The following CPE variants were observed in gnomAD, a reference collection of about 807,000 sequenced individuals.
CPE encodes carboxypeptidase E, also known as carbocypeptidase E.
A neutral mutation model predicts 53.5 loss-of-function variants in CPE; 17 were observed. The observed-to-expected ratio is 0.32, with a 90% confidence interval of 0.22 to 0.48. CPE has a LOEUF of 0.48. Among genes scored for constraint, CPE ranks in the 20% least tolerant of loss-of-function variants. CPE has a pLI of 0.99. For synonymous variants in CPE, 226 were observed against 228.8 expected, an observed-to-expected ratio of 0.99 and a Z score of 0.11; for missense variants, 524 against 614.7, an observed-to-expected ratio of 0.85 and a Z score of 1.56.
intron 1 of CPE, among the ~76,000 whole-genome samples, chr4:165,425,462 C>G (rs918046524): frequency 5.9e-5 from 9 of 152,062 alleles, no homozygotes; most frequent in African/African-American, 2.2e-4. Context: ...TATGTGCTTA[C>G]AGTTAGACGA....
At chr4:165,477,672 C>T (rs1732327352) in intron 3 of CPE, among the ~76,000 whole-genome samples, 1 of 150,884 alleles carries the variant, frequency 6.6e-6, no homozygotes. Flanking sequence ...AACAGGGAAT[C>T]AAATCAGATT....
intron 1 of CPE, among the ~76,000 whole-genome samples, chr4:165,394,865 T>C (rs1730739109): frequency 1.3e-5 from 2 of 152,190 alleles, no homozygotes; most frequent in South Asian, 4.1e-4. Flanking sequence ...TAAAATGTTA[T>C]AAGAATCATT....
At chr4:165,405,689 G>A (rs1190504571) in intron 1 of CPE, 1 of 802,104 alleles carries the variant, frequency 1.2e-6, no homozygotes, top group East Asian at 2.6e-5. Flanking sequence ...TTTAGTCCTG[G>A]TCGCAGAGAT....
At chr4:165,423,722 C>T (rs916973123) in intron 1 of CPE, among the ~76,000 whole-genome samples, 1 of 151,446 alleles carries the variant, frequency 6.6e-6, no homozygotes, top group Non-Finnish European at 1.5e-5. Flanking sequence ...ATACATGTGC[C>T]ATGCTGGTGC....
intron 1 of CPE, among the ~76,000 whole-genome samples, chr4:165,427,176 A>G (rs1731334803): frequency 7.0e-6 from 1 of 142,436 alleles, no homozygotes; most frequent in Non-Finnish European, 1.6e-5. Context: ...GGCTGCAGGC[A>G]TGTCTTAGGC....
At chr4:165,386,058 G>A (rs1371174453) in intron 1 of CPE, among the ~76,000 whole-genome samples, 2 of 152,112 alleles carry the variant, frequency 1.3e-5, no homozygotes, top group Non-Finnish European at 2.9e-5. Flanking sequence ...AAATCCTGAG[G>A]CTTCTTATTT....
intron 2 of CPE, among the ~76,000 whole-genome samples, chr4:165,465,530 G>T (rs1732081502): frequency 6.6e-6 from 1 of 151,940 alleles, no homozygotes; most frequent in Non-Finnish European, 1.5e-5. Flanking sequence ...ACAGTCTAAG[G>T]TATCTAAACT....
chr4:165,437,451 A>G (rs1356058360), intron 1 of CPE, among the ~76,000 whole-genome samples: 4 of 152,152 alleles, frequency 2.6e-5, no homozygotes, highest in Non-Finnish European at 5.9e-5. Flanking sequence ...TCTTGTTGTC[A>G]AAGGGAATGG....
intron 3 of CPE, among the ~76,000 whole-genome samples, chr4:165,473,417 TG>T (rs1472118633): frequency 6.6e-6 from 1 of 152,242 alleles, no homozygotes; most frequent in Non-Finnish European, 1.5e-5. Flanking sequence ...TGCATGTTGC[TG>T]TGTGAGGATT....
chr4:165,477,501 T>C (rs1306894133), intron 3 of CPE, among the ~76,000 whole-genome samples: 1 of 152,202 alleles, frequency 6.6e-6, no homozygotes, highest in Non-Finnish European at 1.5e-5. Flanking sequence ...TCTGTAAGTG[T>C]GAGACAGTGT....
intron 1 of CPE, among the ~76,000 whole-genome samples, chr4:165,440,588 G>A (rs1579262508): frequency 6.6e-6 from 1 of 152,062 alleles, no homozygotes; most frequent in South Asian, 2.1e-4. Flanking sequence ...TAATAATTTA[G>A]GTACTTTAAG....
At chr4:165,457,091 C>A (rs776420398) in intron 1 of CPE, among the ~76,000 whole-genome samples, 2 of 152,158 alleles carry the variant, frequency 1.3e-5, no homozygotes, top group African/African-American at 2.4e-5. Flanking sequence ...ATTTCTTAGA[C>A]CTCAGTTTCC....
chr4:165,398,673 C>G (rs1730815427), intron 1 of CPE, among the ~76,000 whole-genome samples: 1 of 152,190 alleles, frequency 6.6e-6, no homozygotes, highest in South Asian at 2.1e-4. Context: ...GCTCACTTGA[C>G]TTGAAAATCC....
intron 1 of CPE, among the ~76,000 whole-genome samples, chr4:165,398,467 C>T (rs1730812079): frequency 6.6e-6 from 1 of 152,020 alleles, no homozygotes; most frequent in Non-Finnish European, 1.5e-5. Flanking sequence ...TGCATACACA[C>T]ACATTTAAAT....
chr4:165,427,043 C>T (rs988976611), intron 1 of CPE, among the ~76,000 whole-genome samples: 11 of 152,230 alleles, frequency 7.2e-5, no homozygotes, highest in African/African-American at 2.4e-4. Flanking sequence ...AGTGCACATG[C>T]AGGCCCTTAG....
chr4:165,446,186 A>G (rs1484734439), intron 1 of CPE, among the ~76,000 whole-genome samples: 1 of 152,196 alleles, frequency 6.6e-6, no homozygotes, highest in African/African-American at 2.4e-5. Context: ...TAAAAACAGG[A>G]AAAATCCATA....
At chr4:165,477,890 T>A (rs1231157289) in intron 3 of CPE, among the ~76,000 whole-genome samples, 2 of 152,174 alleles carry the variant, frequency 1.3e-5, no homozygotes, top group Non-Finnish European at 2.9e-5. Context: ...ATGCTCTCCT[T>A]GTTCTTCTGA....
chr4:165,493,579 A>T (rs1314429588), intron 7 of CPE, among the ~76,000 whole-genome samples: 1 of 152,208 alleles, frequency 6.6e-6, no homozygotes, highest in Non-Finnish European at 1.5e-5. Flanking sequence ...GCAAAGGAAA[A>T]GGAGCTGCTG....
chr4:165,420,058 T>C (rs1318406738), intron 1 of CPE, among the ~76,000 whole-genome samples: 1 of 152,188 alleles, frequency 6.6e-6, no homozygotes, highest in Non-Finnish European at 1.5e-5. Flanking sequence ...TTTTCACTTT[T>C]GTAGCCTTAT....
Sources: gnomAD v4.1 joint callset for allele counts (sites outside exome capture counted in the v4.1 genomes callset) on GRCh38, gnomAD v4.1.1 for gene constraint, MANE v1.5 for transcripts, NCBI Gene and HGNC (gene_info 2026-07-23, HGNC 2026-07-21) for gene names.